Variants in SLC16A10 observed in about 807,000 individuals in gnomAD.
The protein encoded by SLC16A10 is solute carrier family 16 member 10.
In SLC16A10, 27 loss-of-function variants were observed where a neutral mutation model predicts 40.0. The ratio of observed to expected loss-of-function variants is 0.67; its 90% CI spans 0.50 to 0.93. SLC16A10 has a LOEUF of 0.93. Among genes scored for constraint, SLC16A10 ranks in the 40% least tolerant of loss-of-function variants. SLC16A10 has a pLI of 0.00. For synonymous variants in SLC16A10, 213 were observed against 249.8 expected (o/e 0.85, Z 1.39); for missense variants, 529 against 658.2 (o/e 0.80, Z 2.15).
At chr6:111,182,196 T>A (rs142019022) in intron 3 of SLC16A10, among the ~76,000 whole-genome samples, 178 of 152,144 alleles carry the variant, frequency 1.2e-3, no homozygotes, top group Admixed American at 2.9e-3. Flanking sequence ...AGACAGGGTT[T>A]TGCCACATTG....
chr6:111,118,070 A>T (rs1771520231), intron 1 of SLC16A10, among the ~76,000 whole-genome samples: 1 of 152,248 alleles, frequency 6.6e-6, no homozygotes, highest in Non-Finnish European at 1.5e-5. Flanking sequence ...GGTAAAAGAT[A>T]CGAACAGGCA....
chr6:111,206,809 T>C, intron 4 of SLC16A10, 74 bp downstream of exon 4: 1 of 1,521,946 alleles, frequency 6.6e-7, no homozygotes, highest in Non-Finnish European at 8.9e-7. Context: ...TGTACTTACA[T>C]GCTTAAATTC....
intron 1 of SLC16A10, among the ~76,000 whole-genome samples, chr6:111,160,270 A>C (rs1295171339): frequency 6.6e-6 from 1 of 152,088 alleles, no homozygotes. Context: ...ACAGAGTCTC[A>C]CTCTGTTGCC....
rs146728273 is a variant in SLC16A10, at chr6:111,138,693, T to C, written c.344-34002T>C. The stretch of plus-strand genomic sequence containing the variant: ...AGACAGGGTCTTGCTTGAATCTTGC[T>C]GAGGCTGGATTCAAACTCCGGGGCT... On this transcript the variant is annotated intron_variant, in intron 1 of 5. Coordinates refer to ENST00000368851, the MANE Select transcript of SLC16A10 (RefSeq NM_018593.5). Among the ~76,000 whole-genome samples the C allele has an allele frequency of 2.5e-3, 386 of 152,214 alleles. 2 individuals carry two copies. Among genetic ancestry groups the C allele is most frequent in the African/African-American group, 8.8e-3 (365 of 41,520 alleles).
intron 1 of SLC16A10, among the ~76,000 whole-genome samples, chr6:111,120,700 T>TA (rs892398161): frequency 2.6e-5 from 4 of 152,224 alleles, no homozygotes; most frequent in African/African-American, 4.8e-5. Context: ...AGCCAGCAGA[T>TA]ACTGTAGATT....
intron 3 of SLC16A10, among the ~76,000 whole-genome samples, chr6:111,200,542 C>G: frequency 6.6e-6 from 1 of 152,070 alleles, no homozygotes; most frequent in East Asian, 1.9e-4. Flanking sequence ...TAATTTACTT[C>G]CTCTAGCAAA....
chr6:111,185,942 C>T (rs1325311321), intron 3 of SLC16A10, among the ~76,000 whole-genome samples: 2 of 151,512 alleles, frequency 1.3e-5, no homozygotes, highest in East Asian at 1.9e-4. Context: ...CTCTCTTGTC[C>T]AGGCTGGTAT....
chr6:111,104,680 A>G (rs1296359748), intron 1 of SLC16A10, among the ~76,000 whole-genome samples: 1 of 152,186 alleles, frequency 6.6e-6, no homozygotes, highest in East Asian at 1.9e-4. Flanking sequence ...GCAAACTGGT[A>G]GTCTCAGAGT....
At chr6:111,140,990 A>G (rs149377923) in intron 1 of SLC16A10, among the ~76,000 whole-genome samples, 8 of 152,050 alleles carry the variant, frequency 5.3e-5, no homozygotes, top group Non-Finnish European at 7.4e-5. Flanking sequence ...GGGTCTCACT[A>G]TGTTGCCTAG....
At chr6:111,210,723 GAAGAGACTTTGCT>G in intron 4 of SLC16A10, among the ~76,000 whole-genome samples, 1 of 152,268 alleles carries the variant, frequency 6.6e-6, no homozygotes, top group East Asian at 1.9e-4. Flanking sequence ...AAGCCAGGAT[GAAGAGACTTTGCT>G]TTAAGAGTAG....
intron 1 of SLC16A10, among the ~76,000 whole-genome samples, chr6:111,158,940 G>A (rs1257427134): frequency 1.3e-5 from 2 of 151,676 alleles, no homozygotes; most frequent in East Asian, 1.9e-4. Context: ...AGCCAGGTGT[G>A]GTGGCCTGCA....
chr6:111,184,551 G>A (rs771941842), intron 3 of SLC16A10, among the ~76,000 whole-genome samples: 10 of 151,218 alleles, frequency 6.6e-5, no homozygotes, highest in Non-Finnish European at 1.3e-4. Flanking sequence ...GCATGCTCTC[G>A]GCTCACTGCA....
chr6:111,164,348 G>A (rs540065581), intron 1 of SLC16A10, among the ~76,000 whole-genome samples: 58 of 152,128 alleles, frequency 3.8e-4, no homozygotes, highest in Non-Finnish European at 7.6e-4. Context: ...TGTAAAGCCT[G>A]GTAAGTTATT....
intron 1 of SLC16A10, among the ~76,000 whole-genome samples, chr6:111,091,813 T>C (rs1208740971): frequency 1.3e-5 from 2 of 152,244 alleles, no homozygotes; most frequent in African/African-American, 4.8e-5. Context: ...CACATCTTAC[T>C]GTTAATTCTC....
chr6:111,095,641 A>G (rs112280610), intron 1 of SLC16A10, among the ~76,000 whole-genome samples: 10 of 152,284 alleles, frequency 6.6e-5, no homozygotes, highest in African/African-American at 1.9e-4. Context: ...GGAGGGAGGT[A>G]ATTACCTGGT....
At chr6:111,176,260 G>C (rs1321139828) in intron 2 of SLC16A10, among the ~76,000 whole-genome samples, 1 of 152,154 alleles carries the variant, frequency 6.6e-6, no homozygotes, top group African/African-American at 2.4e-5. Flanking sequence ...GATTACCTCA[G>C]CATGTTGCTA....
chr6:111,174,362 GC>G (rs1362372621), intron 2 of SLC16A10, among the ~76,000 whole-genome samples: 2 of 149,556 alleles, frequency 1.3e-5, no homozygotes, highest in East Asian at 3.9e-4. Flanking sequence ...ACTCATTGCC[GC>G]CCCCCACCCC....
rs372963281 is a variant in SLC16A10 at position 111,182,310 on chromosome 6, C to CTTTTTTTTTTTTTTTTT, written c.942+4651_942+4667dup. On this transcript the variant is annotated intron_variant, in intron 3 of 5. Transcript: ENST00000368851. ...GCCACCACGCCTGGCCTCTGGGTTT[C>CTTTTTTTTTTTTTTTTT]TTTTTTTTTTTTTTTTTTTTTTCCT... Among the ~76,000 whole-genome samples the CTTTTTTTTTTTTTTTTT allele has an allele frequency of 2.9e-5, 3 of 103,624 alleles. 1 individual carries two copies. Among genetic ancestry groups the CTTTTTTTTTTTTTTTTT allele is most frequent in the Admixed American group, 1.2e-4 (1 of 8,278 alleles). 68.0% of individuals were successfully genotyped at this position (103,624 alleles called of 152,430 possible). A position where few individuals can be genotyped will look rare whatever the true frequency, so the allele number is the denominator to read the frequency against.
At chr6:111,186,759 A>C (rs1226468662) in intron 3 of SLC16A10, among the ~76,000 whole-genome samples, 1 of 152,092 alleles carries the variant, frequency 6.6e-6, no homozygotes, top group Non-Finnish European at 1.5e-5. Flanking sequence ...TGTAGCATCT[A>C]TTTACCCCTA....
Sources: gnomAD v4.1 joint callset for allele counts (sites outside exome capture counted in the v4.1 genomes callset) on GRCh38, gnomAD v4.1.1 for gene constraint, MANE v1.5 for transcripts, NCBI Gene and HGNC (gene_info 2026-07-23, HGNC 2026-07-21) for gene names.